SAMD12: variants seen among roughly 807,000 people sequenced by gnomAD.
The protein encoded by SAMD12 is sterile alpha motif domain-containing protein 12.
In SAMD12, 9 loss-of-function variants were observed where a neutral mutation model predicts 15.0. The observed-to-expected ratio is 0.60, with a 90% CI of 0.36 to 1.05. The LOEUF (loss-of-function observed/expected upper bound fraction) is 1.05, where lower values mean the gene tolerates loss of function less well. Ranked by LOEUF, SAMD12 falls within the 50% of genes least tolerant of loss-of-function variation. The pLI is 0.01. For missense variants in SAMD12, 230 were observed against 234.2 expected (o/e 0.98, Z 0.12); for synonymous variants, 86 against 90.1 (o/e 0.96, Z 0.25).
chr8:118,167,642 A>G, the SAMD12 span, among the ~76,000 whole-genome samples: 1 of 152,188 alleles, frequency 6.6e-6, no homozygotes, highest in Non-Finnish European at 1.5e-5. Flanking sequence ...GAGCAATACA[A>G]TGAGATTAAA....
At chr8:118,616,978 C>A (rs1263111729) in intron 1 of SAMD12, among the ~76,000 whole-genome samples, 1 of 152,148 alleles carries the variant, frequency 6.6e-6, no homozygotes, top group Non-Finnish European at 1.5e-5. Flanking sequence ...CCAAAACCAT[C>A]CCCCATGGAA....
At chr8:118,538,645 G>T (rs1024598747) in intron 2 of SAMD12, among the ~76,000 whole-genome samples, 14 of 152,310 alleles carry the variant, frequency 9.2e-5, no homozygotes, top group African/African-American at 3.1e-4. Flanking sequence ...GAGAGAAGTG[G>T]TGTAGGCAAT....
In SAMD12 at chr8:118,576,285, T is replaced by C. The variant is rs544662945; in HGVS notation, c.192+4430A>G. 6.6e-5 allele frequency among the ~76,000 whole-genome samples: 10 copies of C among 152,330 alleles called. No individual in the cohort carries two copies. In the South Asian group the frequency reaches 1.7e-3, roughly 25 times the overall value. ...GCATTTTATTCAATTTAAATAAATC[T>C]GAATATCCACATGTGCTAGTGGCTA... On this transcript the variant is annotated intron_variant, in intron 2 of 3. Coordinates refer to ENST00000314727, the MANE Select transcript of SAMD12 (RefSeq NM_207506.3).
chr8:118,144,725 G>T, the SAMD12 span, among the ~76,000 whole-genome samples: 1 of 152,062 alleles, frequency 6.6e-6, no homozygotes, highest in East Asian at 1.9e-4. Context: ...GAAAAGAAGG[G>T]AAGAAAATAT....
At chr8:118,442,478 G>A (rs1822792381) in intron 2 of SAMD12, among the ~76,000 whole-genome samples, 1 of 152,184 alleles carries the variant, frequency 6.6e-6, no homozygotes, top group Non-Finnish European at 1.5e-5. Flanking sequence ...AAACCATATT[G>A]ACTTTGCCTA....
intron 2 of SAMD12, among the ~76,000 whole-genome samples, chr8:118,553,663 A>G (rs985518887): frequency 1.3e-5 from 2 of 151,022 alleles, no homozygotes; most frequent in African/African-American, 2.4e-5. Context: ...AATGGCAACA[A>G]AAGCCAAAAT....
At chr8:118,176,510 G>A in the SAMD12 span, among the ~76,000 whole-genome samples, 1 of 152,106 alleles carries the variant, frequency 6.6e-6, no homozygotes, top group Non-Finnish European at 1.5e-5. Flanking sequence ...CATGGCCTTT[G>A]CAGCAACATG....
intron 4 of SAMD12, among the ~76,000 whole-genome samples, chr8:118,317,624 G>A (rs1012948487): frequency 1.3e-5 from 2 of 152,160 alleles, no homozygotes; most frequent in Admixed American, 1.3e-4. Context: ...ACAGTAGCTG[G>A]AAGGGTGCAA....
chr8:118,503,312 G>A (rs1172523484), intron 2 of SAMD12, among the ~76,000 whole-genome samples: 1 of 152,154 alleles, frequency 6.6e-6, no homozygotes, highest in Admixed American at 6.5e-5. Flanking sequence ...GCATTATGAA[G>A]AGAAATTAAG....
intron 1 of SAMD12, among the ~76,000 whole-genome samples, chr8:118,581,955 C>A (rs1827306721): frequency 6.6e-6 from 1 of 152,152 alleles, no homozygotes; most frequent in African/African-American, 2.4e-5. Flanking sequence ...TTTTACCCAA[C>A]ATCTTTAGGC....
At chr8:118,133,671 G>T in the SAMD12 span, among the ~76,000 whole-genome samples, 1 of 151,976 alleles carries the variant, frequency 6.6e-6, no homozygotes, top group Non-Finnish European at 1.5e-5. Flanking sequence ...AGCTCAACAT[G>T]TCAGGTAGAA....
downstream of SAMD12, among the ~76,000 whole-genome samples, chr8:118,377,694 T>C (rs1473154475): frequency 6.6e-6 from 1 of 152,150 alleles, no homozygotes; most frequent in African/African-American, 2.4e-5. Context: ...CAATGAGAGC[T>C]GTAGAAAATG....
chr8:118,343,923 A>C (rs1817499279), intron 4 of SAMD12, among the ~76,000 whole-genome samples: 1 of 152,230 alleles, frequency 6.6e-6, no homozygotes, highest in Non-Finnish European at 1.5e-5. Context: ...TGATTTGTGA[A>C]GTGGGAATAA....
At chr8:118,447,882 T>C (rs1822965301) in intron 2 of SAMD12, among the ~76,000 whole-genome samples, 1 of 151,292 alleles carries the variant, frequency 6.6e-6, no homozygotes, top group African/African-American at 2.4e-5. Flanking sequence ...CCCGCCACCA[T>C]GCGTGGCTAA....
At chr8:118,239,608 T>C (rs28370838) in intron 4 of SAMD12, among the ~76,000 whole-genome samples, 2,089 of 152,292 alleles carry the variant, frequency 0.014, 53 homozygotes, top group African/African-American at 0.048. Context: ...CATACTCTGC[T>C]CTTAGGCTAG....
At chr8:118,222,252 G>T (rs1482007633) in intron 4 of SAMD12, among the ~76,000 whole-genome samples, 1 of 151,950 alleles carries the variant, frequency 6.6e-6, no homozygotes, top group African/African-American at 2.4e-5. Flanking sequence ...TAAAAATTTG[G>T]TGTTGGATAT....
At chr8:118,421,073 AAT>A (rs1361172563) in intron 3 of SAMD12, among the ~76,000 whole-genome samples, 1 of 152,230 alleles carries the variant, frequency 6.6e-6, no homozygotes, top group Non-Finnish European at 1.5e-5. Context: ...GAATCCTCCT[AAT>A]ATGGTCTTAC....
At chr8:118,277,559 T>C (rs1315918991) in intron 4 of SAMD12, among the ~76,000 whole-genome samples, 4 of 151,486 alleles carry the variant, frequency 2.6e-5, no homozygotes. Flanking sequence ...AAGTAATATA[T>C]TTGATTTGTA....
chr8:118,489,346 C>T (rs188969571), intron 2 of SAMD12, among the ~76,000 whole-genome samples: 37 of 152,254 alleles, frequency 2.4e-4, no homozygotes, highest in Admixed American at 2.3e-3. Flanking sequence ...TTTAATACAT[C>T]TACTTTATCA....
Sources: allele counts gnomAD v4.1 joint callset (sites outside exome capture counted in the v4.1 genomes callset), GRCh38; gene constraint gnomAD v4.1.1; transcripts MANE v1.5; gene names NCBI Gene and HGNC (gene_info 2026-07-23, HGNC 2026-07-21).